CUX1: variants seen among roughly 807,000 people sequenced by gnomAD.
CUX1 encodes protein CASP.
CUX1 carries 31 observed loss-of-function variants against 158.8 expected under a neutral mutation model. The ratio of observed to expected loss-of-function variants is 0.20; its 90% confidence interval spans 0.15 to 0.26. The LOEUF (loss-of-function observed/expected upper bound fraction) is 0.26. Among genes scored for constraint, CUX1 ranks in the 10% least tolerant of loss-of-function variants. The pLI is 1.00. For missense variants in CUX1, 1,589 were observed against 2,014.6 expected, an observed-to-expected ratio of 0.79 and a Z score of 4.04; for synonymous variants, 879 against 862.1, an observed-to-expected ratio of 1.02 and a Z score of -0.34.
chr7:101,944,549 C>T (rs1808140689), intron 2 of CUX1, among the ~76,000 whole-genome samples: 1 of 152,220 alleles, frequency 6.6e-6, no homozygotes, highest in South Asian at 2.1e-4. Context: ...TCTCACTTCA[C>T]AGATGAGGGA....
intron 1 of CUX1, among the ~76,000 whole-genome samples, chr7:101,849,286 T>C (rs1396218874): frequency 1.3e-5 from 2 of 148,950 alleles, no homozygotes; most frequent in African/African-American, 4.9e-5. Flanking sequence ...ATCCATTAGT[T>C]TTTTTTTTTT....
chr7:101,890,185 A>G (rs1028367347), intron 1 of CUX1, among the ~76,000 whole-genome samples: 21 of 152,162 alleles, frequency 1.4e-4, no homozygotes, highest in African/African-American at 4.8e-4. Flanking sequence ...GTCTTGGCAG[A>G]TGGGGTTGAC....
chr7:101,859,122 T>C (rs1797180499), intron 1 of CUX1, among the ~76,000 whole-genome samples: 4 of 152,204 alleles, frequency 2.6e-5, no homozygotes, highest in African/African-American at 9.7e-5. Context: ...GTTTTGTTTA[T>C]GCCCTTGTCA....
intron 2 of CUX1, among the ~76,000 whole-genome samples, chr7:102,008,049 G>T (rs1024637197): frequency 6.6e-6 from 1 of 152,030 alleles, no homozygotes; most frequent in Non-Finnish European, 1.5e-5. Context: ...TGTTACCTTC[G>T]TCCAAACTTG....
At chr7:102,000,461 G>A (rs1475515063) in intron 2 of CUX1, among the ~76,000 whole-genome samples, 3 of 152,196 alleles carry the variant, frequency 2.0e-5, no homozygotes, top group African/African-American at 7.2e-5. Flanking sequence ...CGCATCTTGA[G>A]TTCTAAAGAT....
intron 4 of CUX1, among the ~76,000 whole-genome samples, chr7:102,071,409 C>T (rs1259846898): frequency 1.3e-5 from 2 of 152,084 alleles, no homozygotes; most frequent in Non-Finnish European, 2.9e-5. Flanking sequence ...TGTGGGTCCT[C>T]GATTGCCTTA....
At chr7:102,118,399 A>G (rs1585758619) in intron 8 of CUX1, among the ~76,000 whole-genome samples, 1 of 152,168 alleles carries the variant, frequency 6.6e-6, no homozygotes, top group South Asian at 2.1e-4. Context: ...TTATCCTGGC[A>G]TGGTAGCTCC....
chr7:101,928,090 T>A (rs1171424268), intron 2 of CUX1, among the ~76,000 whole-genome samples: 1 of 152,128 alleles, frequency 6.6e-6, no homozygotes, highest in Non-Finnish European at 1.5e-5. Context: ...TATCTGAGAG[T>A]TTAATAACTG....
chr7:101,956,440 C>G (rs1015700930), intron 2 of CUX1, among the ~76,000 whole-genome samples: 5 of 151,982 alleles, frequency 3.3e-5, no homozygotes, highest in African/African-American at 1.2e-4. Flanking sequence ...ATATGTAGTT[C>G]ATGACTTGAT....
chr7:102,166,485 G>GATCTA (rs1554508807), intron 9 of CUX1, among the ~76,000 whole-genome samples: 57 of 152,248 alleles, frequency 3.7e-4, no homozygotes, highest in African/African-American at 1.3e-3. Flanking sequence ...CGCTAGATCT[G>GATCTA]GGGTTCCAGA....
intron 4 of CUX1, among the ~76,000 whole-genome samples, chr7:102,091,083 T>C (rs1332252944): frequency 4.6e-5 from 7 of 152,226 alleles, no homozygotes; most frequent in Admixed American, 4.6e-4. Context: ...GTGCTGTCTT[T>C]GCCCATCAGT....
intron 6 of CUX1, among the ~76,000 whole-genome samples, chr7:102,104,781 G>A (rs1183523922): frequency 6.6e-6 from 1 of 152,092 alleles, no homozygotes; most frequent in African/African-American, 2.4e-5. Context: ...TGTAATCCCA[G>A]CTACTTAGGC....
chr7:102,082,079 C>A (rs1827478544), intron 4 of CUX1, among the ~76,000 whole-genome samples: 1 of 147,088 alleles, frequency 6.8e-6, no homozygotes. Context: ...GATTCGCCCA[C>A]TTACCCTTCA....
chr7:102,241,919 G>A (rs532225123), intron 23 of CUX1, among the ~76,000 whole-genome samples: 4 of 151,896 alleles, frequency 2.6e-5, no homozygotes, highest in South Asian at 4.2e-4. Context: ...GCAGTGAGCC[G>A]AGATCACACC....
At chr7:101,830,344 G>A (rs531540547) in intron 1 of CUX1, among the ~76,000 whole-genome samples, 58 of 152,314 alleles carry the variant, frequency 3.8e-4, no homozygotes, top group African/African-American at 1.2e-3. Context: ...ACCAGTGGCC[G>A]ACTGGCCTGA....
chr7:101,978,725 G>A (rs1246494108), intron 2 of CUX1, among the ~76,000 whole-genome samples: 1 of 152,190 alleles, frequency 6.6e-6, no homozygotes, highest in East Asian at 1.9e-4. Context: ...CCTAGCCTCT[G>A]TCCTCCTCCT....
intron 8 of CUX1, among the ~76,000 whole-genome samples, chr7:102,150,258 C>T (rs1006422633): frequency 1.3e-5 from 2 of 152,130 alleles, no homozygotes; most frequent in Non-Finnish European, 2.9e-5. Context: ...GGGGTTCAAG[C>T]GATTCTTCCG....
chr7:101,835,329 G>A (rs868558259), intron 1 of CUX1, among the ~76,000 whole-genome samples: 4 of 152,112 alleles, frequency 2.6e-5, no homozygotes, highest in Non-Finnish European at 5.9e-5. Flanking sequence ...TGTCTGGGCC[G>A]CATTCTTTTT....
intron 3 of CUX1, among the ~76,000 whole-genome samples, chr7:102,038,041 C>G (rs892326451): frequency 1.0e-5 from 1 of 95,642 alleles, no homozygotes; most frequent in African/African-American, 3.8e-5. Context: ...CAGAGTGAGA[C>G]TCTGTCTCAA....
Sources: allele counts gnomAD v4.1 joint callset (sites outside exome capture counted in the v4.1 genomes callset), GRCh38; gene constraint gnomAD v4.1.1; transcripts MANE v1.5; gene names NCBI Gene and HGNC (gene_info 2026-07-23, HGNC 2026-07-21).